SEMA6D: variants seen among roughly 807,000 people sequenced by gnomAD.
SEMA6D encodes semaphorin-6D.
SEMA6D carries 35 observed loss-of-function variants against 106.6 expected under a neutral mutation model. The ratio of observed to expected loss-of-function variants is 0.33; its 90% CI spans 0.25 to 0.44. The LOEUF is 0.44. Among genes scored for constraint, SEMA6D ranks in the 20% least tolerant of loss-of-function variants. SEMA6D has a pLI of 1.00. For missense variants in SEMA6D, 1,185 were observed against 1,345.9 expected, an observed-to-expected ratio of 0.88 and a Z score of 1.87; for synonymous variants, 499 against 487.7, an observed-to-expected ratio of 1.02 and a Z score of -0.31.
intron 1 of SEMA6D, among the ~76,000 whole-genome samples, chr15:47,251,584 G>T (rs1464547083): frequency 6.6e-6 from 1 of 152,078 alleles, no homozygotes; most frequent in East Asian, 1.9e-4. Context: ...TGCTTATTTT[G>T]TTATTTATTT....
rs542189222 is a variant in SEMA6D at position 47,699,148 on chromosome 15, G to A, written c.-54-60597G>A. 4.6e-5 allele frequency among the ~76,000 whole-genome samples: 7 copies of A among 152,278 alleles called. No individual in the cohort carries two copies. The East Asian group carries it at 1.4e-3, about 29-fold the overall frequency. On this transcript the variant is annotated intron_variant, in intron 4 of 19. Transcript: ENST00000558014. The stretch of plus-strand genomic sequence containing the variant: ...GGACAAGAAGGGTGAGCCTATGCCA[G>A]CTTTTTAAAGGCCTTTATTTTACTT...
At chr15:47,275,277 G>T (rs2034749038) in intron 1 of SEMA6D, 1 of 152,084 alleles carries the variant, frequency 6.6e-6, no homozygotes, top group South Asian at 2.1e-4. Flanking sequence ...ATACATATGT[G>T]CTGAGAAAGG....
rs3050565 is a variant in SEMA6D, at chr15:47,551,673, C to CTGTGTGTGTGTGTGTGTGTGTGTGTGTG, written c.-86-49165_-86-49164insGTGTGTGTGTGTGTGTGTGTGTGTGTGT. Among the ~76,000 whole-genome samples the CTGTGTGTGTGTGTGTGTGTGTGTGTGTG allele has an allele frequency of 8.0e-4, 113 of 141,362 alleles. 1 individual carries two copies. Among genetic ancestry groups the CTGTGTGTGTGTGTGTGTGTGTGTGTGTG allele is most frequent in the African/African-American group, 1.8e-3 (70 of 37,852 alleles). 92.7% of individuals were successfully genotyped at this position (141,362 alleles called of 152,430 possible). A position where few individuals can be genotyped will look rare whatever the true frequency, so the allele number is the denominator to read the frequency against. On this transcript the variant is annotated intron_variant, in intron 3 of 19. Coordinates refer to the SEMA6D transcript ENST00000558014. The stretch of plus-strand genomic sequence containing the variant: ...CCATCGAAGTCTAACATCTGGGACT[C>CTGTGTGTGTGTGTGTGTGTGTGTGTGTG]TGTGTGTGTGTGTGTGTGTGTGTGT...
chr15:47,433,091 A>G (rs961898983), intron 2 of SEMA6D, among the ~76,000 whole-genome samples: 3 of 152,044 alleles, frequency 2.0e-5, no homozygotes, highest in African/African-American at 7.2e-5. Flanking sequence ...ATAGTGGTAT[A>G]TTCCTCCTTA....
At chr15:47,249,479 C>T (rs1405221896) in intron 1 of SEMA6D, among the ~76,000 whole-genome samples, 3 of 151,554 alleles carry the variant, frequency 2.0e-5, no homozygotes, top group East Asian at 3.9e-4. Context: ...ATCAACCACC[C>T]CCCTACTCTC....
intron 1 of SEMA6D, among the ~76,000 whole-genome samples, chr15:47,368,421 G>A (rs1262548123): frequency 3.9e-5 from 6 of 152,108 alleles, no homozygotes; most frequent in African/African-American, 9.7e-5. Flanking sequence ...CACTCTTTTG[G>A]ATATCTTTTG....
At chr15:47,392,135 TCTGAAACATA>T (rs2040056918) in intron 1 of SEMA6D, among the ~76,000 whole-genome samples, 2 of 152,258 alleles carry the variant, frequency 1.3e-5, no homozygotes, top group South Asian at 4.1e-4. Context: ...AAGTTCCTCA[TCTGAAACATA>T]GGGCACAGAA....
chr15:47,753,535 GA>G (rs541195132), intron 1 of SEMA6D, among the ~76,000 whole-genome samples: 119 of 152,328 alleles, frequency 7.8e-4, no homozygotes, highest in African/African-American at 2.7e-3. Flanking sequence ...TAGCAGAAAA[GA>G]ACAGTTAGTG....
intron 1 of SEMA6D, among the ~76,000 whole-genome samples, chr15:47,353,937 A>C (rs2038433228): frequency 6.6e-6 from 1 of 152,140 alleles, no homozygotes; most frequent in Admixed American, 6.6e-5. Flanking sequence ...ATATATCTTA[A>C]GATGAGTTTC....
chr15:47,411,396 C>T (rs1354840561), intron 1 of SEMA6D, among the ~76,000 whole-genome samples: 1 of 152,056 alleles, frequency 6.6e-6, no homozygotes, highest in African/African-American at 2.4e-5. Context: ...TTCACAGTTG[C>T]ATGCATGCCT....
At chr15:47,242,009 A>G (rs577770989) in intron 1 of SEMA6D, among the ~76,000 whole-genome samples, 18 of 152,256 alleles carry the variant, frequency 1.2e-4, no homozygotes, top group African/African-American at 3.8e-4. Flanking sequence ...AGTCACGGGT[A>G]TGAATTCCAG....
At chr15:47,469,299 GGT>G (rs71299525) in intron 2 of SEMA6D, among the ~76,000 whole-genome samples, 80 of 149,190 alleles carry the variant, frequency 5.4e-4, no homozygotes, top group East Asian at 2.0e-3. Flanking sequence ...GTTGCTTTAA[GGT>G]GTGTGTGTGT....
Position 47,258,609 on chromosome 15 carries a change from A to G in SEMA6D, c.-239+74191A>G, listed in dbSNP as rs542646309. Among the ~76,000 whole-genome samples, 11 of 152,136 alleles carry G rather than the reference A, an allele frequency of 7.2e-5. No individual in the cohort carries two copies. The South Asian group carries it at 8.3e-4, about 12-fold the overall frequency. ...TTTGGTCTCTAAGACTTATAGTAGT[A>G]TTATCACGTGCCCTACCCCGTCTGA... is the stretch of plus-strand genomic sequence containing the variant. On this transcript the variant is annotated intron_variant, in intron 1 of 19. Transcript: ENST00000558014.
chr15:47,638,337 TC>T (rs2077428254), intron 4 of SEMA6D, among the ~76,000 whole-genome samples: 1 of 152,140 alleles, frequency 6.6e-6, no homozygotes, highest in Non-Finnish European at 1.5e-5. Context: ...ATTGAGACCT[TC>T]CAATGACAAG....
At chr15:47,604,508 A>T (rs935729079) in intron 4 of SEMA6D, among the ~76,000 whole-genome samples, 2 of 152,250 alleles carry the variant, frequency 1.3e-5, no homozygotes, top group African/African-American at 4.8e-5. Context: ...GAAGTAGTCC[A>T]GGAGACGTCT....
At chr15:47,400,934 C>T (rs1029034342) in intron 1 of SEMA6D, among the ~76,000 whole-genome samples, 9 of 152,154 alleles carry the variant, frequency 5.9e-5, no homozygotes, top group East Asian at 3.9e-4. Flanking sequence ...TGAGAATTAA[C>T]GGTATAGATT....
intron 4 of SEMA6D, among the ~76,000 whole-genome samples, chr15:47,624,433 C>A (rs1314122161): frequency 6.6e-6 from 1 of 152,124 alleles, no homozygotes; most frequent in Non-Finnish European, 1.5e-5. Flanking sequence ...TTTTTTATTA[C>A]CTCTGTGAAA....
At chr15:47,200,015 G>A (rs1296090853) in intron 1 of SEMA6D, among the ~76,000 whole-genome samples, 1 of 152,106 alleles carries the variant, frequency 6.6e-6, no homozygotes, top group Non-Finnish European at 1.5e-5. Flanking sequence ...AGTTGCGGTA[G>A]AACTGAGGTC....
At chr15:47,355,384 A>T (rs2038524368) in intron 1 of SEMA6D, among the ~76,000 whole-genome samples, 1 of 152,202 alleles carries the variant, frequency 6.6e-6, no homozygotes, top group Non-Finnish European at 1.5e-5. Flanking sequence ...TACAAATGAA[A>T]AGCTTCATGT....
Sources: allele counts gnomAD v4.1 joint callset (sites outside exome capture counted in the v4.1 genomes callset), GRCh38; gene constraint gnomAD v4.1.1; transcripts MANE v1.5; gene names NCBI Gene and HGNC (gene_info 2026-07-23, HGNC 2026-07-21).